The following LZTS1 variants were observed in gnomAD, a reference collection of about 807,000 sequenced individuals.
LZTS1 encodes leucine zipper putative tumor suppressor 1.
Under a neutral mutation model 45.8 loss-of-function variants are expected in LZTS1, and 31 were observed. The observed-to-expected ratio is 0.68, with a 90% CI of 0.51 to 0.91. The LOEUF (loss-of-function observed/expected upper bound fraction) is 0.91, where lower values mean the gene tolerates loss of function less well. Ranked by LOEUF, LZTS1 falls within the 40% of genes least tolerant of loss-of-function variation. The probability of loss-of-function intolerance (pLI) is 0.00; values close to 1 mark genes in which losing one functional copy is unlikely to be tolerated. For missense variants in LZTS1, 821 were observed against 788.9 expected, an observed-to-expected ratio of 1.04 and a Z score of -0.49; for synonymous variants, 359 against 357.3, an observed-to-expected ratio of 1.00 and a Z score of -0.05.
At position 20,253,506 on chromosome 8, in the gene LZTS1, G is replaced by A. The variant is rs1028199069; in HGVS notation, c.425C>T (p.Pro142Leu). Residue 142 changes from proline (P) to leucine (L), a missense_variant, in exon 3 of 4, where the codon CCG becomes CTG. Pro to Leu is a moderately conservative substitution (Grantham distance 98, BLOSUM62 -3). Transcript: ENST00000381569. ...GTGCAGCTGGTGGCTGGCACTCTCCGGGGAGGAGTGCAGGATGGCTCCTGA... is the reference window on the plus strand; with the variant it reads ...GTGCAGCTGGTGGCTGGCACTCTCCAGGGAGGAGTGCAGGATGGCTCCTGA... ...PRSGAILHSS[P>L]ESASHQLHPA... The A allele has an allele frequency of 1.3e-5, 20 of 1,574,006 alleles. No individual in the cohort carries two copies. The highest frequency in any genetic ancestry group is 1.7e-5 in the Non-Finnish European group (20 of 1,162,488).
At chr8:20,280,845 C>T (rs1800675919) in intron 1 of LZTS1, among the ~76,000 whole-genome samples, 1 of 152,162 alleles carries the variant, frequency 6.6e-6, no homozygotes, top group Non-Finnish European at 1.5e-5. Flanking sequence ...ATTAGCCTGG[C>T]ATTCAAGGCT....
At chr8:20,285,342 C>T (rs765506126) in intron 1 of LZTS1, among the ~76,000 whole-genome samples, 16 of 151,408 alleles carry the variant, frequency 1.1e-4, no homozygotes, top group South Asian at 2.1e-4. Flanking sequence ...TGTGTAGATA[C>T]GAGTTAGTGA....
intron 1 of LZTS1, among the ~76,000 whole-genome samples, chr8:20,288,134 G>C (rs767672672): frequency 1.3e-5 from 2 of 152,248 alleles, no homozygotes; most frequent in African/African-American, 2.4e-5. Flanking sequence ...TCAAAGAGGA[G>C]TGAAGCTTTC....
intron 1 of LZTS1, among the ~76,000 whole-genome samples, chr8:20,277,418 A>G (rs1253841788): frequency 1.3e-5 from 2 of 152,226 alleles, no homozygotes; most frequent in East Asian, 1.9e-4. Context: ...CTGAACAGCC[A>G]TGCTGCTGCT....
At chr8:20,268,705 G>A (rs1800414042) in intron 1 of LZTS1, among the ~76,000 whole-genome samples, 1 of 152,134 alleles carries the variant, frequency 6.6e-6, no homozygotes, top group Non-Finnish European at 1.5e-5. Flanking sequence ...GGAGGAGGAA[G>A]GGGGTGGGGG....
At chr8:20,280,729 C>G (rs1800672707) in intron 1 of LZTS1, among the ~76,000 whole-genome samples, 1 of 152,126 alleles carries the variant, frequency 6.6e-6, no homozygotes, top group Non-Finnish European at 1.5e-5. Flanking sequence ...TTCCTTAAAG[C>G]ACTGTCAGCG....
intron 1 of LZTS1, among the ~76,000 whole-genome samples, chr8:20,284,438 A>G (rs1265212919): frequency 1.3e-5 from 2 of 152,232 alleles, no homozygotes; most frequent in Admixed American, 6.5e-5. Flanking sequence ...GCCCGCAGCC[A>G]TCAGAGCAGA....
At position 20,249,120 on chromosome 8, in the gene LZTS1, T is replaced by A. The variant is rs1585270185; in HGVS notation, c.*602A>T. On this transcript the variant is annotated 3_prime_UTR_variant, in exon 4 of 4. Coordinates refer to ENST00000381569, the MANE Select transcript of LZTS1 (RefSeq NM_021020.5). The stretch of plus-strand genomic sequence containing the variant: ...CTGCCCTCCTCTGGCTGTGGCAGGG[T>A]CTCCACACTGCTGGGCTGCCTGTCT... 1 of 153,238 alleles carries A rather than the reference T, an allele frequency of 6.5e-6. No individual in the cohort carries two copies. The highest frequency in any genetic ancestry group is 1.5e-5 in the Non-Finnish European group (1 of 68,620). The allele number at this position is 153,238 out of a possible 1,614,324, so 9.5% of individuals were successfully genotyped here.
At chr8:20,293,583 C>T (rs962435655) in intron 1 of LZTS1, among the ~76,000 whole-genome samples, 7 of 152,164 alleles carry the variant, frequency 4.6e-5, no homozygotes, top group Admixed American at 1.3e-4. Context: ...TGCACCTGAG[C>T]GTAGCACAGG....
At chr8:20,291,631 A>C (rs1358584025) in intron 1 of LZTS1, among the ~76,000 whole-genome samples, 3 of 151,010 alleles carry the variant, frequency 2.0e-5, no homozygotes, top group African/African-American at 7.3e-5. Flanking sequence ...GCGATTGAGC[A>C]CCCTTTCTGC....
intron 1 of LZTS1, among the ~76,000 whole-genome samples, chr8:20,286,938 G>A (rs1800802427): frequency 6.6e-6 from 1 of 152,202 alleles, no homozygotes; most frequent in Non-Finnish European, 1.5e-5. Context: ...GCAGGGATTA[G>A]CAGAGGAAGA....
At chr8:20,295,141 G>A (rs1180258079) in intron 1 of LZTS1, among the ~76,000 whole-genome samples, 1 of 152,042 alleles carries the variant, frequency 6.6e-6, no homozygotes, top group African/African-American at 2.4e-5. Context: ...CCTGCCTGAC[G>A]CTGTCACTGC....
chr8:20,258,824 A>G (rs750558828), intron 1 of LZTS1, among the ~76,000 whole-genome samples: 2 of 152,172 alleles, frequency 1.3e-5, no homozygotes, highest in African/African-American at 4.8e-5. Context: ...GGGAGCCTCA[A>G]TGTCCAAACT....
chr8:20,269,548 G>T (rs1465437378), intron 1 of LZTS1, among the ~76,000 whole-genome samples: 1 of 152,214 alleles, frequency 6.6e-6, no homozygotes, highest in Non-Finnish European at 1.5e-5. Context: ...GCCTTGGACA[G>T]AGACTGAAAC....
intron 1 of LZTS1, among the ~76,000 whole-genome samples, chr8:20,299,149 C>A (rs1801029029): frequency 6.6e-6 from 1 of 152,118 alleles, no homozygotes. Flanking sequence ...GCTGGCCAAA[C>A]CCAGCATAAG....
At chr8:20,265,900 T>C (rs918275388) in intron 1 of LZTS1, among the ~76,000 whole-genome samples, 1 of 152,118 alleles carries the variant, frequency 6.6e-6, no homozygotes, top group Non-Finnish European at 1.5e-5. Context: ...CATCTAACTT[T>C]TCAGGGGTGA....
intron 1 of LZTS1, 129 bp from the exon 2 acceptor site, chr8:20,255,444 G>A: frequency 1.9e-6 from 1 of 539,688 alleles, no homozygotes; most frequent in Non-Finnish European, 3.0e-6. Context: ...ACCACCGGGT[G>A]CTCCGTTCCT....
intron 1 of LZTS1, among the ~76,000 whole-genome samples, chr8:20,276,491 G>C (rs1387950959): frequency 1.3e-5 from 2 of 152,214 alleles, no homozygotes; most frequent in African/African-American, 4.8e-5. Context: ...TGAACACCTG[G>C]AGGGTCTTGG....
In LZTS1 at chr8:20,250,303, C is replaced by A; in HGVS notation, c.1210G>T (p.Glu404Ter). 1 of 1,613,278 alleles carries A rather than the reference C, an allele frequency of 6.2e-7. No homozygotes were observed. The highest frequency in any genetic ancestry group is 1.1e-5 in the South Asian group (1 of 91,006). ...ATCTCGCTAGCCTTGGCGTTCACCT[C>A]CGTCTGGGACTCCTTCAGCTGCTGC... ...LKQQLKESQT[E>*]VNAKASEILG... The change falls in exon 4 of 4, where the codon GAG becomes TAG. Residue 404 changes from glutamate to a stop codon, truncating the protein, a stop_gained. Coordinates refer to ENST00000381569, the MANE Select transcript of LZTS1 (RefSeq NM_021020.5). LOFTEE classifies it high-confidence loss of function.
Sources: allele counts gnomAD v4.1 joint callset (sites outside exome capture counted in the v4.1 genomes callset), GRCh38; gene constraint gnomAD v4.1.1; transcripts MANE v1.5; gene names NCBI Gene and HGNC (gene_info 2026-07-23, HGNC 2026-07-21).